Variants in VPS13B observed in about 807,000 individuals in gnomAD.
VPS13B encodes vacuolar protein sorting 13 homolog B.
VPS13B carries 285 observed loss-of-function variants against 426.4 expected under a neutral mutation model. The observed-to-expected ratio is 0.67, with a 90% CI of 0.61 to 0.74. VPS13B has a LOEUF of 0.74. Among genes scored for constraint, VPS13B ranks in the 30% least tolerant of loss-of-function variants. VPS13B has a pLI of 0.00. For missense variants in VPS13B, 4,537 were observed against 4,782.6 expected, an observed-to-expected ratio of 0.95 and a Z score of 1.51; for synonymous variants, 1,676 against 1,676.4, an observed-to-expected ratio of 1.00 and a Z score of 0.01.
intron 31 of VPS13B, among the ~76,000 whole-genome samples, chr8:99,568,582 T>C (rs1482426604): frequency 6.6e-6 from 1 of 151,854 alleles, no homozygotes; most frequent in Non-Finnish European, 1.5e-5. Context: ...TGAGTCACCA[T>C]GCCTGGCCAA....
At chr8:99,853,418 G>T in intron 55 of VPS13B, 33 bp from the exon 56 acceptor site, 1 of 1,601,980 alleles carries the variant, frequency 6.2e-7, no homozygotes, top group Middle Eastern at 1.7e-4. Context: ...AGGTGAGTGG[G>T]GGGACTAATG....
intron 35 of VPS13B, among the ~76,000 whole-genome samples, chr8:99,668,845 C>T (rs542296403): frequency 2.0e-5 from 3 of 152,164 alleles, no homozygotes; most frequent in African/African-American, 2.4e-5. Flanking sequence ...TTTAAAATGT[C>T]GTCATTTTAA....
chr8:99,864,540 T>C (rs902198902), intron 58 of VPS13B, among the ~76,000 whole-genome samples: 85 of 152,208 alleles, frequency 5.6e-4, no homozygotes, highest in African/African-American at 1.8e-3. Context: ...GTGGACAGAG[T>C]GAGACCTTGT....
intron 3 of VPS13B, among the ~76,000 whole-genome samples, chr8:99,090,105 G>T (rs1398172072): frequency 6.6e-6 from 1 of 151,996 alleles, no homozygotes; most frequent in Non-Finnish European, 1.5e-5. Flanking sequence ...AATGCCTATG[G>T]CTTGAGCGGA....
At chr8:99,546,145 G>A (rs777912944) in intron 30 of VPS13B, among the ~76,000 whole-genome samples, 1 of 151,718 alleles carries the variant, frequency 6.6e-6, no homozygotes, top group Non-Finnish European at 1.5e-5. Context: ...CTTCTTGACC[G>A]ATTTTATAAT....
chr8:99,171,984 A>C (rs1459496734), intron 16 of VPS13B, among the ~76,000 whole-genome samples: 1 of 152,156 alleles, frequency 6.6e-6, no homozygotes, highest in African/African-American at 2.4e-5. Context: ...AGAATTGGAC[A>C]TTAGTGGATG....
chr8:99,411,386 T>C (rs1289691130), intron 21 of VPS13B, among the ~76,000 whole-genome samples: 1 of 152,226 alleles, frequency 6.6e-6, no homozygotes, highest in Non-Finnish European at 1.5e-5. Context: ...GTTCATATCC[T>C]TTGCCCACTT....
intron 17 of VPS13B, among the ~76,000 whole-genome samples, chr8:99,273,657 G>T (rs1448998965): frequency 1.3e-5 from 2 of 151,952 alleles, no homozygotes; most frequent in African/African-American, 4.8e-5. Flanking sequence ...GGTGGAATGC[G>T]CCCGTAATCC....
At chr8:99,549,296 A>G (rs1477760931) in intron 30 of VPS13B, among the ~76,000 whole-genome samples, 1 of 152,120 alleles carries the variant, frequency 6.6e-6, no homozygotes, top group Non-Finnish European at 1.5e-5. Flanking sequence ...ATTGAGTATC[A>G]CTGGTGTTCT....
At chr8:99,477,151 A>G (rs1437878173) in intron 24 of VPS13B, among the ~76,000 whole-genome samples, 1 of 152,194 alleles carries the variant, frequency 6.6e-6, no homozygotes, top group Non-Finnish European at 1.5e-5. Flanking sequence ...TCTGCCAGAA[A>G]TTTAATCTTT....
intron 33 of VPS13B, among the ~76,000 whole-genome samples, chr8:99,614,331 G>A (rs1302536963): frequency 2.6e-5 from 4 of 152,046 alleles, no homozygotes; most frequent in African/African-American, 9.7e-5. Context: ...AGGCTGGAGT[G>A]CAATGGCGCA....
intron 45 of VPS13B, 24 bp from the exon 46 acceptor site, chr8:99,818,427 G>A (rs1206972346): frequency 2.5e-6 from 4 of 1,606,556 alleles, no homozygotes; most frequent in Non-Finnish European, 3.4e-6. Flanking sequence ...TATTCAATAG[G>A]ACCCTTTGCT....
At chr8:99,769,762 T>C (rs1811391815) in intron 40 of VPS13B, among the ~76,000 whole-genome samples, 1 of 152,140 alleles carries the variant, frequency 6.6e-6, no homozygotes, top group Non-Finnish European at 1.5e-5. Context: ...CTATTTGGTG[T>C]TGTGAGATTG....
chr8:99,339,678 G>A (rs991307902), intron 19 of VPS13B, among the ~76,000 whole-genome samples: 6 of 151,490 alleles, frequency 4.0e-5, no homozygotes, highest in South Asian at 2.1e-4. Flanking sequence ...AATGTTTTAC[G>A]GAAAGGGAAC....
chr8:99,824,527 A>G (rs564254781), intron 51 of VPS13B, among the ~76,000 whole-genome samples: 1 of 152,312 alleles, frequency 6.6e-6, no homozygotes, highest in South Asian at 2.1e-4. Context: ...AACAATTAAA[A>G]TGAATAGTTA....
At chr8:99,216,452 C>A (rs1197317162) in intron 17 of VPS13B, among the ~76,000 whole-genome samples, 1 of 151,648 alleles carries the variant, frequency 6.6e-6, no homozygotes, top group Non-Finnish European at 1.5e-5. Context: ...ACTGTCTTTT[C>A]TTTTCTAGAG....
chr8:99,255,947 G>A (rs974353099), intron 17 of VPS13B, among the ~76,000 whole-genome samples: 2 of 152,200 alleles, frequency 1.3e-5, no homozygotes, highest in African/African-American at 4.8e-5. Flanking sequence ...TCATGTTAGA[G>A]TATGCTGAAG....
chr8:99,872,421 G>A (rs1370840483), intron 61 of VPS13B, among the ~76,000 whole-genome samples: 1 of 152,172 alleles, frequency 6.6e-6, no homozygotes, highest in Non-Finnish European at 1.5e-5. Context: ...TAAGGCTCTT[G>A]GGGCAGCTCC....
chr8:99,101,326 G>T (rs1051392957), intron 4 of VPS13B, among the ~76,000 whole-genome samples: 5 of 152,048 alleles, frequency 3.3e-5, no homozygotes, highest in African/African-American at 9.7e-5. Context: ...TAGAGACAGG[G>T]TTTCACCGTG....
Sources: gnomAD v4.1 joint callset for allele counts (sites outside exome capture counted in the v4.1 genomes callset) on GRCh38, gnomAD v4.1.1 for gene constraint, MANE v1.5 for transcripts, NCBI Gene and HGNC (gene_info 2026-07-23, HGNC 2026-07-21) for gene names.